The following SPSB4 variants were observed in gnomAD, a reference collection of about 807,000 sequenced individuals.
SPSB4 encodes the protein splA/ryanodine receptor domain and SOCS box containing 4.
A neutral mutation model predicts 20.9 loss-of-function variants in SPSB4; 21 were observed. That is an observed-to-expected ratio of 1.01 (90% confidence interval 0.71 to 1.45). SPSB4 has a LOEUF of 1.45. SPSB4 is among the 40% of genes most tolerant of loss of function. The pLI is 0.00. For missense variants in SPSB4, 399 were observed against 399.2 expected (o/e 1.00, Z 0.00); for synonymous variants, 207 against 183.8 (o/e 1.13, Z -1.02).
intron 2 of SPSB4, among the ~76,000 whole-genome samples, chr3:141,074,619 C>T (rs116207458): frequency 0.13 from 19,324 of 151,988 alleles, 3,939 homozygotes; most frequent in African/African-American, 0.44. Flanking sequence ...CGGTTTCCGG[C>T]TGCATGTCTT....
At chr3:141,123,248 A>G (rs1006497451) in intron 2 of SPSB4, among the ~76,000 whole-genome samples, 2 of 152,216 alleles carry the variant, frequency 1.3e-5, no homozygotes, top group South Asian at 4.1e-4. Flanking sequence ...TTTAATGCAT[A>G]CCCATGAATC....
At chr3:141,093,036 G>A (rs574641002) in intron 2 of SPSB4, among the ~76,000 whole-genome samples, 1 of 152,128 alleles carries the variant, frequency 6.6e-6, no homozygotes. Flanking sequence ...CTTCAGGGTG[G>A]CTCTGGGAAG....
chr3:141,111,022 G>A (rs756236580), intron 2 of SPSB4, among the ~76,000 whole-genome samples: 1 of 152,130 alleles, frequency 6.6e-6, no homozygotes, highest in Non-Finnish European at 1.5e-5. Flanking sequence ...TCATACTTCT[G>A]GCTTGAACTC....
At chr3:141,101,514 A>G (rs1938612351) in intron 2 of SPSB4, among the ~76,000 whole-genome samples, 1 of 152,158 alleles carries the variant, frequency 6.6e-6, no homozygotes, top group Non-Finnish European at 1.5e-5. Flanking sequence ...TGGAACCATG[A>G]CTGAGTTACT....
intron 1 of SPSB4, among the ~76,000 whole-genome samples, chr3:141,058,639 G>C (rs1937703723): frequency 6.6e-6 from 1 of 152,152 alleles, no homozygotes; most frequent in South Asian, 2.1e-4. Flanking sequence ...TGGCTGGAGA[G>C]AGAAGGCAGG....
chr3:141,087,009 G>A (rs1938356734), intron 2 of SPSB4, among the ~76,000 whole-genome samples: 1 of 152,210 alleles, frequency 6.6e-6, no homozygotes, highest in African/African-American at 2.4e-5. Context: ...GCGTTTAAGA[G>A]CAGAGGGAAG....
At chr3:141,085,791 C>T (rs1373090981) in intron 2 of SPSB4, among the ~76,000 whole-genome samples, 1 of 152,234 alleles carries the variant, frequency 6.6e-6, no homozygotes, top group African/African-American at 2.4e-5. Flanking sequence ...TCTTGCTGGT[C>T]TTCTGCCAGA....
In SPSB4 at chr3:141,056,289, A is replaced by G. The variant is rs1937637363; in HGVS notation, c.-154+4297A>G. ...GGCCCGGTTTACTGGCCACAGAGAC[A>G]TTCTACCTGTTATCTACCTTCAGGA... is the stretch of plus-strand genomic sequence containing the variant. On this transcript the variant is annotated intron_variant, in intron 1 of 2. Transcript: ENST00000310546. Among the ~76,000 whole-genome samples the G allele has an allele frequency of 1.3e-5, 2 of 152,206 alleles. 1 individual carries two copies. Among genetic ancestry groups the G allele is most frequent in the South Asian group, 4.1e-4 (2 of 4,832 alleles).
chr3:141,112,644 C>CAAAAAAAAAAAAAA lies in SPSB4; in HGVS notation c.695-34486_695-34473dup, dbSNP rs60396514. Among the ~76,000 whole-genome samples, 159 of 32,842 alleles carry CAAAAAAAAAAAAAA rather than the reference C, an allele frequency of 4.8e-3. 2 individuals are homozygous for CAAAAAAAAAAAAAA. Among genetic ancestry groups the CAAAAAAAAAAAAAA allele is most frequent in the South Asian group, 0.01 (6 of 598 alleles). 21.5% of individuals were successfully genotyped at this position (32,842 alleles called of 152,430 possible). ...TGGGCGACAGAGCGAGACTCCGTCTCAAAAAAAAAAAAAAAAAAAAAAAAA... is the reference window on the plus strand; with the variant it reads ...TGGGCGACAGAGCGAGACTCCGTCTCAAAAAAAAAAAAAAAAAAAAAAAAAAAAAAAAAAAAAAA... On this transcript the variant is annotated intron_variant, in intron 2 of 2. Transcript: ENST00000310546.
chr3:141,099,345 C>T (rs141504490), intron 2 of SPSB4, among the ~76,000 whole-genome samples: 1,573 of 151,934 alleles, frequency 0.01, 21 homozygotes, highest in African/African-American at 0.036. Flanking sequence ...CCACCATGCC[C>T]GGCTAATTTT....
intron 2 of SPSB4, among the ~76,000 whole-genome samples, chr3:141,091,825 G>A (rs1938454606): frequency 6.6e-6 from 1 of 152,186 alleles, no homozygotes; most frequent in African/African-American, 2.4e-5. Flanking sequence ...AAATGGCCAG[G>A]GAACACAGGC....
intron 2 of SPSB4, among the ~76,000 whole-genome samples, chr3:141,105,248 G>C (rs897922206): frequency 6.6e-6 from 1 of 152,192 alleles, no homozygotes; most frequent in Non-Finnish European, 1.5e-5. Flanking sequence ...GGTGAAACGG[G>C]ATGTTACACA....
chr3:141,108,029 A>C (rs368861082), intron 2 of SPSB4, among the ~76,000 whole-genome samples: 57 of 152,148 alleles, frequency 3.7e-4, no homozygotes, highest in African/African-American at 1.4e-3. Flanking sequence ...GCTTGGGCTA[A>C]TGTTTAAAAT....
intron 1 of SPSB4, among the ~76,000 whole-genome samples, chr3:141,057,738 A>G (rs1407444320): frequency 6.6e-6 from 1 of 152,202 alleles, no homozygotes; most frequent in Non-Finnish European, 1.5e-5. Context: ...ATATCCTGAA[A>G]GCCTCAGAGA....
chr3:141,108,347 C>T (rs1442020369), intron 2 of SPSB4, among the ~76,000 whole-genome samples: 4 of 152,150 alleles, frequency 2.6e-5, no homozygotes, highest in African/African-American at 7.2e-5. Context: ...TGCTGCTGGG[C>T]GCATGTACTG....
chr3:141,098,605 T>C (rs1291153212), intron 2 of SPSB4, among the ~76,000 whole-genome samples: 1 of 152,220 alleles, frequency 6.6e-6, no homozygotes, highest in Admixed American at 6.5e-5. Flanking sequence ...AAGCTGATGA[T>C]TTTTTGTTAC....
chr3:141,117,305 C>A (rs557648166), intron 2 of SPSB4, among the ~76,000 whole-genome samples: 1 of 152,296 alleles, frequency 6.6e-6, no homozygotes, highest in East Asian at 1.9e-4. Flanking sequence ...CAGAACCTGA[C>A]TCTAGGTCTT....
At chr3:141,101,672 CT>C (rs1559848920) in intron 2 of SPSB4, among the ~76,000 whole-genome samples, 1 of 152,212 alleles carries the variant, frequency 6.6e-6, no homozygotes, top group Non-Finnish European at 1.5e-5. Context: ...TCAGATGGCT[CT>C]TATTATTACC....
chr3:141,106,193 C>T (rs1294507177), intron 2 of SPSB4, among the ~76,000 whole-genome samples: 1 of 152,180 alleles, frequency 6.6e-6, no homozygotes, highest in Non-Finnish European at 1.5e-5. Context: ...TCCGTTTTAA[C>T]TTGGACATTC....
Sources: allele counts gnomAD v4.1 joint callset (sites outside exome capture counted in the v4.1 genomes callset), GRCh38; gene constraint gnomAD v4.1.1; transcripts MANE v1.5; gene names NCBI Gene and HGNC (gene_info 2026-07-23, HGNC 2026-07-21).